Variants in PSD3 observed in about 807,000 individuals in gnomAD.
PSD3 encodes the protein PH and SEC7 domain-containing protein 3.
PSD3 carries 49 observed loss-of-function variants against 105.5 expected under a neutral mutation model. The observed-to-expected ratio is 0.46, with a 90% CI of 0.37 to 0.59. The LOEUF is 0.59. PSD3 is among the 20% of genes least tolerant of loss of function. The pLI is 0.00. For synonymous variants in PSD3, 557 were observed against 457.8 expected (o/e 1.22, Z -2.77); for missense variants, 1,561 against 1,263.8 (o/e 1.24, Z -3.57).
intron 9 of PSD3, among the ~76,000 whole-genome samples, chr8:18,756,213 C>G (rs538647911): frequency 5.9e-5 from 9 of 152,184 alleles, no homozygotes; most frequent in African/African-American, 2.2e-4. Context: ...AGTTGATGCT[C>G]TTTTTTTAGC....
chr8:18,632,793 T>C lies in PSD3; in HGVS notation c.2230A>G (p.Lys744Glu). 6.4e-7 allele frequency: 1 copy of C among 1,573,384 alleles called. No individual in the cohort carries two copies. Among genetic ancestry groups the C allele is most frequent in the Non-Finnish European group, 8.7e-7 (1 of 1,147,484 alleles). The change falls in exon 11 of 16, where the codon AAA (lysine) becomes GAA (glutamate). Residue 744 changes from lysine to glutamate, a missense_variant. Transcript: ENST00000327040. ...KLEWAVDDEE[K>E]KKSPSESTEE... ...GTACTTTCTGAGGGAGACTTTTTTT[T>C]CTCTTCATCATCTCTAAAAGGGAGA...
chr8:19,033,552 T>G (rs760054038), intron 1 of PSD3, among the ~76,000 whole-genome samples: 4 of 145,762 alleles, frequency 2.7e-5, no homozygotes, highest in Non-Finnish European at 4.6e-5. Context: ...TTTTTTTTCT[T>G]TTTTTAAAAT....
At chr8:18,851,916 T>C (rs1815607167) in intron 4 of PSD3, among the ~76,000 whole-genome samples, 1 of 152,172 alleles carries the variant, frequency 6.6e-6, no homozygotes, top group Non-Finnish European at 1.5e-5. Context: ...CTTTGAAAAC[T>C]AGATCAAAAT....
intron 1 of PSD3, among the ~76,000 whole-genome samples, chr8:18,967,515 C>T (rs1306941189): frequency 6.6e-6 from 1 of 152,094 alleles, no homozygotes; most frequent in East Asian, 1.9e-4. Context: ...CTGACAACAT[C>T]AAAGCTACCT....
chr8:18,896,134 T>C (rs1819133536), intron 2 of PSD3, among the ~76,000 whole-genome samples: 1 of 152,270 alleles, frequency 6.6e-6, no homozygotes. Context: ...CATGTTGCCA[T>C]GAATAACAGA....
At chr8:18,890,568 T>A (rs1166509636) in intron 2 of PSD3, among the ~76,000 whole-genome samples, 1 of 152,170 alleles carries the variant, frequency 6.6e-6, no homozygotes, top group East Asian at 1.9e-4. Context: ...ATTTAACTTA[T>A]AAAGGGTATA....
At chr8:18,898,183 A>G (rs1819276881) in intron 2 of PSD3, among the ~76,000 whole-genome samples, 1 of 152,148 alleles carries the variant, frequency 6.6e-6, no homozygotes, top group South Asian at 2.1e-4. Context: ...TAGATGATCT[A>G]TCTGATGCTT....
chr8:18,839,956 TAA>T (rs1270697685), intron 4 of PSD3, among the ~76,000 whole-genome samples: 4 of 152,124 alleles, frequency 2.6e-5, no homozygotes, highest in African/African-American at 7.2e-5. Flanking sequence ...CACCCTTCCA[TAA>T]AAACTTCTCC....
chr8:18,539,296 C>T (rs915310800), intron 15 of PSD3, among the ~76,000 whole-genome samples: 2 of 152,168 alleles, frequency 1.3e-5, no homozygotes, highest in Non-Finnish European at 2.9e-5. Context: ...CTCTGGAGAG[C>T]AAGGGCAAGA....
intron 9 of PSD3, among the ~76,000 whole-genome samples, chr8:18,756,352 G>T (rs1430445018): frequency 6.6e-6 from 1 of 152,084 alleles, no homozygotes; most frequent in African/African-American, 2.4e-5. Flanking sequence ...TTCTGACTGA[G>T]GTCTGCTTCT....
chr8:18,741,287 G>C (rs1026778983), intron 9 of PSD3, among the ~76,000 whole-genome samples: 2 of 152,122 alleles, frequency 1.3e-5, no homozygotes, highest in Admixed American at 6.5e-5. Flanking sequence ...TTTATGGTTA[G>C]AGAAAGTGGA....
intron 9 of PSD3, among the ~76,000 whole-genome samples, chr8:18,764,088 A>G (rs529827715): frequency 2.0e-5 from 3 of 152,312 alleles, no homozygotes; most frequent in South Asian, 2.1e-4. Context: ...AAATTAGCCA[A>G]TAATTTGCCA....
chr8:18,903,909 C>G (rs1819672443), intron 2 of PSD3, among the ~76,000 whole-genome samples: 1 of 152,152 alleles, frequency 6.6e-6, no homozygotes, highest in Admixed American at 6.5e-5. Flanking sequence ...AAGGGCACCA[C>G]TTCAGCTCAG....
intron 4 of PSD3, among the ~76,000 whole-genome samples, chr8:18,866,748 G>A (rs1374456256): frequency 1.3e-5 from 2 of 150,710 alleles, no homozygotes; most frequent in African/African-American, 4.9e-5. Context: ...AAAAAGAGAG[G>A]TCCATTGAAA....
intron 9 of PSD3, among the ~76,000 whole-genome samples, chr8:18,685,252 A>T (rs3927861): frequency 0.9 from 136,921 of 151,918 alleles, 62,589 homozygotes; most frequent in Non-Finnish European, 0.99. Context: ...TTAATTTTTT[A>T]AAAAATGGTT....
chr8:18,684,211 C>CACAA (rs946222575), intron 9 of PSD3: 1 of 42,876 alleles, frequency 2.3e-5, no homozygotes, highest in African/African-American at 6.1e-5. Flanking sequence ...TTTCCACACA[C>CACAA]ACACACACAC....
chr8:18,850,772 T>C (rs561651792), intron 4 of PSD3, among the ~76,000 whole-genome samples: 1 of 152,144 alleles, frequency 6.6e-6, no homozygotes, highest in African/African-American at 2.4e-5. Context: ...AGGACGCGAC[T>C]CTTCCCAAGT....
intron 1 of PSD3, among the ~76,000 whole-genome samples, chr8:18,938,683 C>CTAA (rs1341337534): frequency 1.3e-5 from 2 of 150,066 alleles, no homozygotes; most frequent in Non-Finnish European, 3.0e-5. Context: ...AGAATAGATA[C>CTAA]TAACCACTTA....
At chr8:18,840,796 G>C (rs1814557198) in intron 4 of PSD3, among the ~76,000 whole-genome samples, 1 of 152,162 alleles carries the variant, frequency 6.6e-6, no homozygotes, top group Non-Finnish European at 1.5e-5. Context: ...ACAGCAGTCA[G>C]ATTGGAGAGG....
Sources: allele counts gnomAD v4.1 joint callset (sites outside exome capture counted in the v4.1 genomes callset), GRCh38; gene constraint gnomAD v4.1.1; transcripts MANE v1.5; gene names NCBI Gene and HGNC (gene_info 2026-07-23, HGNC 2026-07-21).